Variants in ITPR2 observed in about 807,000 individuals in gnomAD.
The protein encoded by ITPR2 is inositol 1,4,5-trisphosphate receptor type 2, also known as inositol 1,4,5-trisphosphate-gated calcium channel ITPR2.
In ITPR2, 207 loss-of-function variants were observed where a neutral mutation model predicts 317.1. That is an observed-to-expected ratio of 0.65 (90% CI 0.58 to 0.73). The LOEUF (loss-of-function observed/expected upper bound fraction) is 0.73, where lower values mean the gene tolerates loss of function less well. Ranked by LOEUF, ITPR2 falls within the 30% of genes least tolerant of loss-of-function variation. The probability of loss-of-function intolerance (pLI) is 0.00; values close to 1 mark genes in which losing one functional copy is unlikely to be tolerated. For synonymous variants in ITPR2, 1,156 were observed against 1,149.1 expected, an observed-to-expected ratio of 1.01 and a Z score of -0.12; for missense variants, 2,613 against 3,284.0, an observed-to-expected ratio of 0.80 and a Z score of 4.99.
intron 21 of ITPR2, among the ~76,000 whole-genome samples, chr12:26,643,074 A>T (rs1461374116): frequency 6.6e-6 from 1 of 152,200 alleles, no homozygotes; most frequent in Non-Finnish European, 1.5e-5. Context: ...CTTTCGAAAG[A>T]TGCCCAAGAA....
At chr12:26,726,520 C>T (rs1592074093) in intron 2 of ITPR2, among the ~76,000 whole-genome samples, 2 of 152,260 alleles carry the variant, frequency 1.3e-5, no homozygotes, top group East Asian at 3.9e-4. Context: ...GGTAAATTCT[C>T]AGTATTCTAT....
At chr12:26,589,851 T>TACACAC (rs1166855137) in intron 32 of ITPR2, among the ~76,000 whole-genome samples, 771 of 49,392 alleles carry the variant, frequency 0.016, 93 homozygotes, top group Non-Finnish European at 0.023. Context: ...TATATATATA[T>TACACAC]ATACACACAC....
intron 1 of ITPR2, among the ~76,000 whole-genome samples, chr12:26,828,780 C>G (rs568702771): frequency 1.3e-5 from 2 of 152,314 alleles, no homozygotes; most frequent in East Asian, 3.9e-4. Context: ...GATAAAGTAG[C>G]TTGGTTTACT....
intron 55 of ITPR2, among the ~76,000 whole-genome samples, chr12:26,357,125 C>T (rs118080161): frequency 2.0e-3 from 307 of 151,982 alleles, no homozygotes; most frequent in Non-Finnish European, 3.5e-3. Flanking sequence ...TGAGGTGACT[C>T]TTGGTGGGCC....
chr12:26,503,831 C>T (rs76766848), intron 37 of ITPR2, among the ~76,000 whole-genome samples: 16,149 of 152,214 alleles, frequency 0.11, 1,148 homozygotes, highest in African/African-American at 0.2. Context: ...TAATAAGTTT[C>T]AATCTGGGGA....
At chr12:26,734,791 C>G (rs1949088406) in intron 2 of ITPR2, among the ~76,000 whole-genome samples, 1 of 152,052 alleles carries the variant, frequency 6.6e-6, no homozygotes, top group East Asian at 1.9e-4. Flanking sequence ...TATGCTAGTT[C>G]CTCCGTAAGC....
chr12:26,567,957 T>TA (rs1422389238), intron 34 of ITPR2, among the ~76,000 whole-genome samples: 4 of 8,608 alleles, frequency 4.6e-4, no homozygotes, highest in Non-Finnish European at 1.3e-3. Context: ...ATATTATATA[T>TA]ATATATATAT....
chr12:26,723,840 A>G (rs896151746), intron 4 of ITPR2, among the ~76,000 whole-genome samples: 4 of 152,144 alleles, frequency 2.6e-5, no homozygotes, highest in African/African-American at 9.7e-5. Context: ...CCCTGGTCCT[A>G]TTCCTGGGAA....
rs767329348 is a variant in ITPR2 at position 26,339,441 on chromosome 12, C to T, written c.8062G>A (p.Gly2688Arg). Residue 2688 changes from glycine (G) to arginine (R), a missense_variant, in exon 57 of 57, where the codon GGA (glycine) becomes AGA (arginine). By Grantham distance (125) the Gly-to-Arg change is moderately radical. Around this residue, in one of 9 missense-constraint regions of ITPR2, gnomAD observed 119 missense variants for 144.3 expected, o/e 0.82. Coordinates refer to ENST00000381340, the MANE Select transcript of ITPR2 (RefSeq NM_002223.4). ...TGATTCACATGGGGTGTGTTTGATC[C>T]GAGGAAGCCCAGTCTCTGCTTATTC... ...RKNKQRLGFLGSNTPHVNHHM... is the reference protein window; with the variant it reads ...RKNKQRLGFLRSNTPHVNHHM... The T allele has an allele frequency of 1.7e-5, 28 of 1,613,654 alleles. No individual in the cohort carries two copies. Among genetic ancestry groups the T allele is most frequent in the African/African-American group, 2.7e-5 (2 of 74,822 alleles).
chr12:26,560,790 T>G (rs1213982027), intron 35 of ITPR2, among the ~76,000 whole-genome samples: 1 of 152,222 alleles, frequency 6.6e-6, no homozygotes, highest in Non-Finnish European at 1.5e-5. Context: ...ATCTAACTTG[T>G]CCTTCTAATC....
intron 34 of ITPR2, among the ~76,000 whole-genome samples, chr12:26,567,952 ATAT>A (rs1945021424): frequency 1.7e-4 from 1 of 5,992 alleles, no homozygotes; most frequent in African/African-American, 4.5e-4. Context: ...TATATATATT[ATAT>A]ATATATATAT....
chr12:26,792,405 T>G (rs1309153221), intron 1 of ITPR2, among the ~76,000 whole-genome samples: 1 of 151,598 alleles, frequency 6.6e-6, no homozygotes, highest in Non-Finnish European at 1.5e-5. Context: ...GTTTGACTTT[T>G]AATGCCAAAA....
chr12:26,737,722 C>T (rs1014982425), intron 2 of ITPR2, among the ~76,000 whole-genome samples: 4 of 152,180 alleles, frequency 2.6e-5, no homozygotes, highest in African/African-American at 9.7e-5. Flanking sequence ...AATTTCAGCA[C>T]CCGGACCCCA....
intron 47 of ITPR2, among the ~76,000 whole-genome samples, chr12:26,438,372 T>C (rs1028540018): frequency 1.3e-5 from 2 of 150,370 alleles, no homozygotes; most frequent in Admixed American, 1.3e-4. Context: ...TACTGTTGAA[T>C]AGAAGTATTG....
chr12:26,506,625 C>T (rs185470399), intron 37 of ITPR2, among the ~76,000 whole-genome samples: 3 of 150,510 alleles, frequency 2.0e-5, no homozygotes, highest in African/African-American at 2.4e-5. Flanking sequence ...TGTTATAAAA[C>T]TTAAAAGACA....
chr12:26,673,933 C>T (rs1947850330), intron 13 of ITPR2, among the ~76,000 whole-genome samples: 1 of 113,460 alleles, frequency 8.8e-6, no homozygotes, highest in Non-Finnish European at 1.8e-5. Context: ...CATGAGTGAA[C>T]TCCCATTCAC....
At chr12:26,643,444 CT>C (rs1197018650) in intron 21 of ITPR2, among the ~76,000 whole-genome samples, 1 of 152,168 alleles carries the variant, frequency 6.6e-6, no homozygotes, top group East Asian at 1.9e-4. Context: ...TAAACAGATC[CT>C]TAAGGATGAT....
intron 49 of ITPR2, among the ~76,000 whole-genome samples, chr12:26,421,018 C>A (rs187659424): frequency 2.6e-5 from 4 of 151,844 alleles, no homozygotes; most frequent in African/African-American, 9.7e-5. Context: ...TTCAGAAAGA[C>A]GAATGATATG....
intron 37 of ITPR2, among the ~76,000 whole-genome samples, chr12:26,512,151 C>T (rs1219578741): frequency 1.3e-5 from 2 of 150,154 alleles, no homozygotes; most frequent in African/African-American, 4.9e-5. Flanking sequence ...AACCTGCCTC[C>T]CATTTTATTC....
Sources: gnomAD v4.1 joint callset for allele counts (sites outside exome capture counted in the v4.1 genomes callset) on GRCh38, gnomAD v4.1.1 for gene constraint, gnomAD v4.1.1 regional missense constraint, MANE v1.5 for transcripts, NCBI Gene and HGNC (gene_info 2026-07-23, HGNC 2026-07-21) for gene names.